Variants in AGBL4 observed in about 807,000 individuals in gnomAD.
The protein encoded by AGBL4 is cytosolic carboxypeptidase 6.
A neutral mutation model predicts 66.4 loss-of-function variants in AGBL4; 58 were observed. The ratio of observed to expected loss-of-function variants is 0.87; its 90% CI spans 0.71 to 1.09. The LOEUF (loss-of-function observed/expected upper bound fraction) is 1.09. Among genes scored for constraint, AGBL4 ranks in the 50% least tolerant of loss-of-function variants. The probability of loss-of-function intolerance (pLI) is 0.00; values close to 1 mark genes in which losing one functional copy is unlikely to be tolerated. For missense variants in AGBL4, 579 were observed against 631.0 expected (o/e 0.92, Z 0.88); for synonymous variants, 234 against 222.9 (o/e 1.05, Z -0.44).
intron 1 of AGBL4, among the ~76,000 whole-genome samples, chr1:49,864,289 G>C (rs1022037836): frequency 6.6e-6 from 1 of 152,186 alleles, no homozygotes; most frequent in Admixed American, 6.5e-5. Context: ...TGACAGGCAG[G>C]TGGATATGGT....
intron 3 of AGBL4, among the ~76,000 whole-genome samples, chr1:49,677,236 T>A (rs1440987099): frequency 6.6e-6 from 1 of 152,088 alleles, no homozygotes; most frequent in Non-Finnish European, 1.5e-5. Flanking sequence ...ATCTTTATAA[T>A]CTCTGTAACC....
intron 5 of AGBL4, among the ~76,000 whole-genome samples, chr1:48,907,626 T>G (rs1652731201): frequency 6.6e-6 from 1 of 152,194 alleles, no homozygotes; most frequent in South Asian, 2.1e-4. Context: ...CCTGAAATGA[T>G]TCACATCTGC....
chr1:49,630,465 T>G (rs762409133), intron 3 of AGBL4, among the ~76,000 whole-genome samples: 11 of 152,192 alleles, frequency 7.2e-5, no homozygotes, highest in Non-Finnish European at 1.2e-4. Context: ...GTCAGGGTAC[T>G]CAGGCATTTC....
chr1:48,709,230 T>A (rs187866951), intron 6 of AGBL4, among the ~76,000 whole-genome samples: 1 of 152,326 alleles, frequency 6.6e-6, no homozygotes, highest in African/African-American at 2.4e-5. Flanking sequence ...GAAATGCCTA[T>A]TCTTGTACTA....
chr1:49,927,975 G>T lies in AGBL4; in HGVS notation c.35-76457C>A, dbSNP rs372466265. Among the ~76,000 whole-genome samples, 4 of 152,250 alleles carry T rather than the reference G, an allele frequency of 2.6e-5. No individual in the cohort carries two copies. The East Asian group carries it at 7.7e-4, about 29-fold the overall frequency. The stretch of plus-strand genomic sequence containing the variant: ...TGTATTCCATATGTTCAAGAAGTTA[G>T]AGAAAATATTGTACATATTAGATAG... On this transcript the variant is annotated intron_variant, in intron 1 of 13. Transcript: ENST00000371839.
intron 5 of AGBL4, among the ~76,000 whole-genome samples, chr1:49,027,280 C>A (rs1431779999): frequency 6.6e-5 from 10 of 152,160 alleles, no homozygotes; most frequent in Non-Finnish European, 1.5e-4. Flanking sequence ...CCTGCCTAAG[C>A]TTCCCGAGTA....
At chr1:49,120,626 C>A (rs926427855) in intron 4 of AGBL4, among the ~76,000 whole-genome samples, 2 of 152,154 alleles carry the variant, frequency 1.3e-5, no homozygotes, top group African/African-American at 4.8e-5. Context: ...CTTCCCTTAA[C>A]ATTTTTTCCT....
chr1:48,793,196 G>C (rs1415065541), intron 6 of AGBL4, among the ~76,000 whole-genome samples: 1 of 152,074 alleles, frequency 6.6e-6, no homozygotes, highest in Non-Finnish European at 1.5e-5. Flanking sequence ...GATAATTAAT[G>C]ATCTATAAAC....
chr1:48,889,585 A>C (rs1650716328), intron 5 of AGBL4, among the ~76,000 whole-genome samples: 1 of 152,244 alleles, frequency 6.6e-6, no homozygotes, highest in South Asian at 2.1e-4. Flanking sequence ...GTCTCATTAC[A>C]CTGTGTGTCT....
chr1:49,376,639 T>A (rs904493216), intron 3 of AGBL4, among the ~76,000 whole-genome samples: 2 of 152,064 alleles, frequency 1.3e-5, no homozygotes, highest in Admixed American at 1.3e-4. Flanking sequence ...TCTATTCAGT[T>A]ACTTTTTTGG....
At chr1:49,943,925 ACT>A (rs929980686) in intron 1 of AGBL4, among the ~76,000 whole-genome samples, 9 of 151,988 alleles carry the variant, frequency 5.9e-5, no homozygotes, top group Admixed American at 3.3e-4. Context: ...CTGGAAACAG[ACT>A]CAGTGCTGTT....
chr1:48,905,367 T>C (rs1253653174), intron 5 of AGBL4, among the ~76,000 whole-genome samples: 1 of 152,226 alleles, frequency 6.6e-6, no homozygotes, highest in African/African-American at 2.4e-5. Context: ...GTAACAAATG[T>C]ACTGCAATGT....
intron 1 of AGBL4, among the ~76,000 whole-genome samples, chr1:49,978,045 T>C (rs139107089): frequency 3.9e-5 from 6 of 152,356 alleles, no homozygotes; most frequent in African/African-American, 1.4e-4. Context: ...AAAATGACTT[T>C]ATCTTCAAAT....
chr1:48,776,548 CT>C, intron 6 of AGBL4: 7 of 1,274,642 alleles, frequency 5.5e-6, no homozygotes, highest in Non-Finnish European at 7.1e-6. Context: ...CCCCCGGCCC[CT>C]CCCGGGGTCC....
At chr1:49,180,206 T>A (rs1050207560) in intron 4 of AGBL4, among the ~76,000 whole-genome samples, 2 of 152,202 alleles carry the variant, frequency 1.3e-5, no homozygotes, top group African/African-American at 4.8e-5. Flanking sequence ...CTACTTAACA[T>A]CTTTAAATCT....
Position 49,201,692 on chromosome 1 carries a change from G to C in AGBL4, c.377+44078C>G, listed in dbSNP as rs371620567. 3.8e-4 allele frequency among the ~76,000 whole-genome samples: 58 copies of C among 152,206 alleles called. 1 individual carries two copies. In the South Asian group the frequency reaches 1.0e-2, roughly 26 times the overall value. On this transcript the variant is annotated intron_variant, in intron 4 of 13. Transcript: ENST00000371839. ...TCATTCAAGAAGTCATTACAGCTTT[G>C]TTACCAAATAAATTTGTTTGAAATT...
At chr1:49,347,347 G>A (rs531472537) in intron 3 of AGBL4, among the ~76,000 whole-genome samples, 1 of 150,704 alleles carries the variant, frequency 6.6e-6, no homozygotes, top group Non-Finnish European at 1.5e-5. Flanking sequence ...TGCCACCCGG[G>A]TTCATGCCAT....
chr1:49,045,442 G>T, intron 5 of AGBL4, 142 bp downstream of exon 5: 1 of 600,844 alleles, frequency 1.7e-6, no homozygotes, highest in Non-Finnish European at 2.8e-6. Context: ...TTATATAATT[G>T]TTTAATTGTA....
At chr1:49,194,150 T>A (rs1211207719) in intron 4 of AGBL4, among the ~76,000 whole-genome samples, 1 of 152,214 alleles carries the variant, frequency 6.6e-6, no homozygotes, top group Non-Finnish European at 1.5e-5. Context: ...GCTGGTTATC[T>A]TTCTTTATGT....
Sources: gnomAD v4.1 joint callset for allele counts (sites outside exome capture counted in the v4.1 genomes callset) on GRCh38, gnomAD v4.1.1 for gene constraint, MANE v1.5 for transcripts, NCBI Gene and HGNC (gene_info 2026-07-23, HGNC 2026-07-21) for gene names.